The following ZNF521 variants were observed in gnomAD, a reference collection of about 807,000 sequenced individuals.
ZNF521 encodes zinc finger protein 521.
Under a neutral mutation model 105.5 loss-of-function variants are expected in ZNF521, and 14 were observed. The ratio of observed to expected loss-of-function variants is 0.13; its 90% CI spans 0.09 to 0.21. ZNF521 has a LOEUF of 0.21. Among genes scored for constraint, ZNF521 ranks in the 10% least tolerant of loss-of-function variants. The pLI is 1.00. For synonymous variants in ZNF521, 635 were observed against 606.0 expected (o/e 1.05, Z -0.70); for missense variants, 1,233 against 1,629.7 (o/e 0.76, Z 4.19).
intron 5 of ZNF521, among the ~76,000 whole-genome samples, chr18:25,176,115 C>T (rs2035530248): frequency 6.6e-6 from 1 of 152,180 alleles, no homozygotes; most frequent in South Asian, 2.1e-4. Context: ...TATATACAGG[C>T]ATATTTTCAA....
At chr18:25,106,731 T>C (rs2034081278) in intron 5 of ZNF521, among the ~76,000 whole-genome samples, 1 of 152,176 alleles carries the variant, frequency 6.6e-6, no homozygotes, top group African/African-American at 2.4e-5. Flanking sequence ...ACCCACTACA[T>C]CTTTTAAAAT....
chr18:25,149,343 T>C (rs1306932411), intron 5 of ZNF521, among the ~76,000 whole-genome samples: 1 of 152,198 alleles, frequency 6.6e-6, no homozygotes, highest in Non-Finnish European at 1.5e-5. Context: ...AACTTTCCTA[T>C]AGTAAGTATT....
At chr18:25,162,900 G>T (rs1347987936) in intron 5 of ZNF521, among the ~76,000 whole-genome samples, 1 of 151,970 alleles carries the variant, frequency 6.6e-6, no homozygotes, top group East Asian at 1.9e-4. Context: ...AGCCCTGTAG[G>T]GTTTAATATG....
intron 5 of ZNF521, among the ~76,000 whole-genome samples, chr18:25,119,738 A>C (rs1039951417): frequency 6.6e-6 from 1 of 152,078 alleles, no homozygotes. Context: ...AAATTGTCTA[A>C]AACTAATGAC....
intron 3 of ZNF521, among the ~76,000 whole-genome samples, chr18:25,272,000 T>C (rs917400570): frequency 1.3e-5 from 2 of 152,092 alleles, no homozygotes; most frequent in African/African-American, 4.8e-5. Flanking sequence ...GAGAAAATAT[T>C]TGCAATCTAT....
intron 3 of ZNF521, among the ~76,000 whole-genome samples, chr18:25,237,176 C>T (rs1031758398): frequency 1.3e-5 from 2 of 152,070 alleles, no homozygotes; most frequent in African/African-American, 2.4e-5. Flanking sequence ...TTGTGGCACA[C>T]GGTATGTGTA....
At chr18:25,203,025 C>T (rs1445433428) in intron 4 of ZNF521, among the ~76,000 whole-genome samples, 3 of 152,162 alleles carry the variant, frequency 2.0e-5, no homozygotes, top group Non-Finnish European at 2.9e-5. Flanking sequence ...TTACATCATG[C>T]CTGGCACATG....
At chr18:25,108,770 G>GT (rs59326049) in intron 5 of ZNF521, among the ~76,000 whole-genome samples, 72,312 of 151,460 alleles carry the variant, frequency 0.48, 17,407 homozygotes, top group South Asian at 0.66. Flanking sequence ...GACTACAGGC[G>GT]TGTGTCACCA....
chr18:25,252,577 T>G (rs566208161), intron 3 of ZNF521, among the ~76,000 whole-genome samples: 4 of 152,196 alleles, frequency 2.6e-5, no homozygotes, highest in African/African-American at 4.8e-5. Context: ...TACCATAGGC[T>G]AGGAAATCAG....
chr18:25,225,969 T>G lies in ZNF521; in HGVS notation c.1949A>C (p.Gln650Pro), dbSNP rs1015535644. 5 of 1,614,066 alleles carry G rather than the reference T, an allele frequency of 3.1e-6. No homozygotes were observed. The Admixed American group carries it at 5.0e-5, about 16-fold the overall frequency. Residue 650 changes from glutamine (Q) to proline (P), a missense_variant, in exon 4 of 8, where the codon CAG (glutamine) becomes CCG (proline). Physicochemically the swap from Gln to Pro is moderately conservative, Grantham distance 76. Transcript: ENST00000361524. This position sits in a 1 kb window ranked among gnomAD's most constrained non-coding sequence, Gnocchi z 5.6. ...GAKYTSLDSF[Q>P]THLKTHLDTV... ...GTCGAGATGAGTTTTTAGGTGAGTC[T>G]GAAAGCTGTCTAGGGATGTGTACTT...
chr18:25,070,124 A>G (rs2033180893), intron 7 of ZNF521, among the ~76,000 whole-genome samples: 1 of 152,210 alleles, frequency 6.6e-6, no homozygotes, highest in South Asian at 2.1e-4. Flanking sequence ...CAAGATATTA[A>G]AGAAGGAAAA....
intron 5 of ZNF521, among the ~76,000 whole-genome samples, chr18:25,156,120 G>A (rs901322455): frequency 2.6e-5 from 4 of 152,190 alleles, no homozygotes; most frequent in East Asian, 1.9e-4. Context: ...CACAGCAGGC[G>A]GAAATGGGTA....
intron 5 of ZNF521, among the ~76,000 whole-genome samples, chr18:25,098,800 A>C (rs1364366928): frequency 1.3e-5 from 2 of 152,086 alleles, no homozygotes; most frequent in Non-Finnish European, 2.9e-5. Context: ...AGGAGAGTAC[A>C]TTTTTTCTTT....
At chr18:25,338,303 T>C (rs1914008256) in intron 2 of ZNF521, among the ~76,000 whole-genome samples, 1 of 42,422 alleles carries the variant, frequency 2.4e-5, no homozygotes, top group African/African-American at 7.3e-5. Flanking sequence ...GTGTGTAAAC[T>C]ACAATTAAGA....
At chr18:25,322,535 CAA>C (rs71902592) in intron 2 of ZNF521, among the ~76,000 whole-genome samples, 14,236 of 107,310 alleles carry the variant, frequency 0.13, 823 homozygotes, top group South Asian at 0.26. Context: ...GTCTCCAATG[CAA>C]AAAAAAAAAA....
At chr18:25,139,574 C>T (rs1175671911) in intron 5 of ZNF521, among the ~76,000 whole-genome samples, 1 of 151,936 alleles carries the variant, frequency 6.6e-6, no homozygotes, top group African/African-American at 2.4e-5. Context: ...AGAGGTGTTA[C>T]AGCCCTTTTC....
At chr18:25,243,669 T>C (rs997104636) in intron 3 of ZNF521, among the ~76,000 whole-genome samples, 3 of 152,220 alleles carry the variant, frequency 2.0e-5, no homozygotes, top group Non-Finnish European at 4.4e-5. Flanking sequence ...TGATTAATAA[T>C]TTTACTTCAA....
chr18:25,257,185 C>T (rs954234517), intron 3 of ZNF521, among the ~76,000 whole-genome samples: 1 of 152,144 alleles, frequency 6.6e-6, no homozygotes, highest in Non-Finnish European at 1.5e-5. Flanking sequence ...ACTTAAGTAA[C>T]ATCTAAGTTC....
chr18:25,149,798 T>C (rs1567983445), intron 5 of ZNF521, among the ~76,000 whole-genome samples: 1 of 152,164 alleles, frequency 6.6e-6, no homozygotes, highest in Non-Finnish European at 1.5e-5. Flanking sequence ...ATAGAGTCCA[T>C]AATGAAAGAT....
Sources: gnomAD v4.1 joint callset for allele counts (sites outside exome capture counted in the v4.1 genomes callset) on GRCh38, gnomAD v4.1.1 for gene constraint, Gnocchi (gnomAD v3.1) non-coding constraint, MANE v1.5 for transcripts, NCBI Gene and HGNC (gene_info 2026-07-23, HGNC 2026-07-21) for gene names.